Variants in CHCHD3 observed in about 807,000 individuals in gnomAD.
CHCHD3 encodes coiled-coil-helix-coiled-coil-helix domain containing 3, also known as MICOS complex subunit MIC19.
CHCHD3 carries 20 observed loss-of-function variants against 38.2 expected under a neutral mutation model. The observed-to-expected ratio is 0.52, with a 90% CI of 0.37 to 0.76. CHCHD3 has a LOEUF of 0.76. CHCHD3 is among the 30% of genes least tolerant of loss of function. The pLI is 0.00. For missense variants in CHCHD3, 245 were observed against 279.2 expected (o/e 0.88, Z 0.87); for synonymous variants, 82 against 100.0 (o/e 0.82, Z 1.07).
intron 4 of CHCHD3, among the ~76,000 whole-genome samples, chr7:132,967,351 C>T (rs1311237730): frequency 6.6e-6 from 1 of 152,134 alleles, no homozygotes; most frequent in Non-Finnish European, 1.5e-5. Context: ...AGAATGGCAA[C>T]ACCGTGTTGA....
chr7:132,984,079 T>C (rs1477780952), intron 3 of CHCHD3, among the ~76,000 whole-genome samples: 1 of 150,936 alleles, frequency 6.6e-6, no homozygotes, highest in Non-Finnish European at 1.5e-5. Context: ...GGTCTCCCTC[T>C]CCCTCTCTTT....
At chr7:132,914,495 A>C (rs1243251001) in intron 4 of CHCHD3, among the ~76,000 whole-genome samples, 2 of 152,248 alleles carry the variant, frequency 1.3e-5, no homozygotes, top group African/African-American at 4.8e-5. Context: ...TACATGATTA[A>C]TAGAAAATAT....
chr7:132,987,144 G>A (rs1195843281), intron 3 of CHCHD3, among the ~76,000 whole-genome samples: 1 of 152,068 alleles, frequency 6.6e-6, no homozygotes, highest in Non-Finnish European at 1.5e-5. Context: ...CCCCCAAACA[G>A]AATGTTTTTA....
Position 132,784,884 on chromosome 7 carries a change from T to A in CHCHD3, c.*753A>T, listed in dbSNP as rs536618119. On this transcript the variant is annotated 3_prime_UTR_variant, in exon 8 of 8. Coordinates refer to ENST00000262570, the MANE Select transcript of CHCHD3 (RefSeq NM_017812.4). ...CAATGCCAGTCTTTGTCAGAAAATA[T>A]ATTTATTATTGATAGTGAGTGAAGT... 1 of 152,774 alleles carries A rather than the reference T, an allele frequency of 6.5e-6. No individual in the cohort carries two copies. Among genetic ancestry groups the A allele is most frequent in the South Asian group, 2.1e-4 (1 of 4,826 alleles). 9.5% of individuals were successfully genotyped at this position (152,774 alleles called of 1,614,324 possible). A position where few individuals can be genotyped will look rare whatever the true frequency, so the allele number is the denominator to read the frequency against.
At chr7:132,798,081 C>T (rs952455378) in intron 6 of CHCHD3, among the ~76,000 whole-genome samples, 2 of 152,130 alleles carry the variant, frequency 1.3e-5, no homozygotes, top group South Asian at 2.1e-4. Flanking sequence ...TAAGGAAACG[C>T]CTGGGTGATG....
chr7:133,022,857 A>G (rs1346970148), intron 3 of CHCHD3, among the ~76,000 whole-genome samples: 1 of 58,344 alleles, frequency 1.7e-5, no homozygotes, highest in African/African-American at 6.0e-5. Flanking sequence ...GAAGAAGAAG[A>G]AAAAAAAAAA....
chr7:133,030,813 T>C (rs1016165265), intron 2 of CHCHD3, among the ~76,000 whole-genome samples: 5 of 152,240 alleles, frequency 3.3e-5, no homozygotes, highest in African/African-American at 1.2e-4. Context: ...ATATAAACAC[T>C]GATCATAAAA....
At position 132,972,987 on chromosome 7, in the gene CHCHD3, T is replaced by G. The variant is rs776459382; in HGVS notation, c.369+2182A>C. 14 of 985,308 alleles carry G rather than the reference T, an allele frequency of 1.4e-5. No individual in the cohort carries two copies. The African/African-American group carries it at 2.1e-4, about 15-fold the overall frequency. The allele number at this position is 985,308 out of a possible 1,614,324, so 61.0% of individuals were successfully genotyped here. ...ATATGCTATTCCAATCAAAACATGT[T>G]GCTTAATATTTTAGTTATGTTGAGT... On this transcript the variant is annotated intron_variant, in intron 4 of 7. Coordinates refer to ENST00000262570, the MANE Select transcript of CHCHD3 (RefSeq NM_017812.4).
intron 5 of CHCHD3, among the ~76,000 whole-genome samples, chr7:132,843,850 G>A (rs1808003144): frequency 6.6e-6 from 1 of 152,178 alleles, no homozygotes; most frequent in Non-Finnish European, 1.5e-5. Flanking sequence ...TAGCTGAATT[G>A]TAAGACTTGT....
At chr7:132,824,784 A>G (rs901464580) in intron 6 of CHCHD3, among the ~76,000 whole-genome samples, 7 of 152,152 alleles carry the variant, frequency 4.6e-5, no homozygotes, top group Admixed American at 1.3e-4. Context: ...TGCCCTCTTC[A>G]TAGCAAGGCC....
chr7:133,017,403 G>T (rs755623156), intron 3 of CHCHD3, among the ~76,000 whole-genome samples: 5 of 152,074 alleles, frequency 3.3e-5, no homozygotes, highest in Non-Finnish European at 7.4e-5. Context: ...TTTATGCAAG[G>T]AATAATAAAT....
intron 5 of CHCHD3, 45 bp from the exon 6 acceptor site, chr7:132,838,514 C>G (rs767910271): frequency 7.2e-7 from 1 of 1,380,702 alleles, no homozygotes; most frequent in Non-Finnish European, 1.0e-6. Context: ...TCCAAGATGA[C>G]AAAATGTGTG....
At chr7:133,012,834 G>GGGGAA (rs1812916665) in intron 3 of CHCHD3, among the ~76,000 whole-genome samples, 2 of 115,272 alleles carry the variant, frequency 1.7e-5, no homozygotes, top group African/African-American at 6.5e-5. Context: ...AGGGAGGGGA[G>GGGGAA]GAGAAGAGAG....
intron 2 of CHCHD3, among the ~76,000 whole-genome samples, chr7:133,060,868 G>A (rs1275033106): frequency 6.6e-6 from 1 of 152,016 alleles, no homozygotes; most frequent in Non-Finnish European, 1.5e-5. Flanking sequence ...CAAGATTGAG[G>A]CATTGCACTC....
chr7:132,866,962 AT>A (rs1311621159), intron 5 of CHCHD3, among the ~76,000 whole-genome samples: 19 of 152,178 alleles, frequency 1.2e-4, no homozygotes, highest in African/African-American at 4.3e-4. Context: ...CTCACGTAGC[AT>A]CTAATCGGAG....
intron 4 of CHCHD3, among the ~76,000 whole-genome samples, chr7:132,934,262 C>T (rs746528515): frequency 1.3e-5 from 2 of 152,204 alleles, no homozygotes; most frequent in Non-Finnish European, 2.9e-5. Flanking sequence ...TGCTACTGCT[C>T]TACACACCGC....
chr7:132,942,095 G>A (rs571835395), intron 4 of CHCHD3, among the ~76,000 whole-genome samples: 1 of 152,202 alleles, frequency 6.6e-6, no homozygotes, highest in East Asian at 1.9e-4. Context: ...TATCCCTGCT[G>A]GGTCCCTATA....
chr7:132,813,783 T>C (rs1807133828), intron 6 of CHCHD3, among the ~76,000 whole-genome samples: 1 of 152,158 alleles, frequency 6.6e-6, no homozygotes, highest in East Asian at 1.9e-4. Context: ...AGTGTTCAGG[T>C]GGTGGAGAAA....
intron 3 of CHCHD3, among the ~76,000 whole-genome samples, chr7:132,985,682 G>GAGGGAGGCA (rs1562929868): frequency 3.9e-5 from 3 of 77,238 alleles, no homozygotes; most frequent in East Asian, 5.2e-4. Flanking sequence ...GGGAGGTGGG[G>GAGGGAGGCA]GGGGGGTCAG....
Sources: allele counts gnomAD v4.1 joint callset (sites outside exome capture counted in the v4.1 genomes callset), GRCh38; gene constraint gnomAD v4.1.1; transcripts MANE v1.5; gene names NCBI Gene and HGNC (gene_info 2026-07-23, HGNC 2026-07-21).